FRMD4B: variants seen among roughly 807,000 people sequenced by gnomAD.
FRMD4B encodes FERM domain containing 4B.
FRMD4B carries 74 observed loss-of-function variants against 141.5 expected under a neutral mutation model. The ratio of observed to expected loss-of-function variants is 0.52; its 90% CI spans 0.43 to 0.63. FRMD4B has a LOEUF of 0.63. Among genes scored for constraint, FRMD4B ranks in the 30% least tolerant of loss-of-function variants. The probability of loss-of-function intolerance (pLI) is 0.00; values close to 1 mark genes in which losing one functional copy is unlikely to be tolerated. For synonymous variants in FRMD4B, 506 were observed against 467.9 expected (o/e 1.08, Z -1.05); for missense variants, 1,366 against 1,253.4 (o/e 1.09, Z -1.36).
At chr3:69,266,183 CAG>C (rs984268695) in intron 5 of FRMD4B, among the ~76,000 whole-genome samples, 2 of 150,976 alleles carry the variant, frequency 1.3e-5, no homozygotes, top group African/African-American at 4.9e-5. Context: ...GCCTGGGTGA[CAG>C]AGTGAGACCT....
chr3:69,369,836 T>C (rs957673743), intron 1 of FRMD4B, among the ~76,000 whole-genome samples: 7 of 151,950 alleles, frequency 4.6e-5, no homozygotes, highest in African/African-American at 1.7e-4. Flanking sequence ...AGCCTATTTA[T>C]TAAAAGAAAA....
intron 2 of FRMD4B, among the ~76,000 whole-genome samples, chr3:69,398,104 T>C (rs2106743157): frequency 6.6e-6 from 1 of 152,034 alleles, no homozygotes; most frequent in African/African-American, 2.4e-5. Context: ...TAAAACTGAG[T>C]GCATGCATGT....
intron 22 of FRMD4B, among the ~76,000 whole-genome samples, chr3:69,174,174 A>T (rs766022656): frequency 2.0e-5 from 3 of 152,010 alleles, no homozygotes; most frequent in East Asian, 1.9e-4. Flanking sequence ...GTACTTTTAT[A>T]AAAAAAAGAA....
At chr3:69,449,910 G>A (rs1705468707) in intron 1 of FRMD4B, among the ~76,000 whole-genome samples, 1 of 152,114 alleles carries the variant, frequency 6.6e-6, no homozygotes, top group Non-Finnish European at 1.5e-5. Context: ...GAAACTAAGA[G>A]GGCTGCTTCT....
At chr3:69,202,211 AG>A (rs1362723281) in intron 11 of FRMD4B, among the ~76,000 whole-genome samples, 1 of 152,198 alleles carries the variant, frequency 6.6e-6, no homozygotes, top group Non-Finnish European at 1.5e-5. Flanking sequence ...CTCAAAAAAA[AG>A]AAAAGTCATG....
At chr3:69,391,084 C>T (rs1356376315), upstream of FRMD4B, among the ~76,000 whole-genome samples, 2 of 151,912 alleles carry the variant, frequency 1.3e-5, no homozygotes, top group African/African-American at 2.4e-5. Flanking sequence ...ATATAATGAA[C>T]TCAAAGTCTT....
At chr3:69,414,897 G>A (rs1260261898) in intron 2 of FRMD4B, among the ~76,000 whole-genome samples, 1 of 124,022 alleles carries the variant, frequency 8.1e-6, no homozygotes, top group African/African-American at 3.2e-5. Flanking sequence ...ATGGAGTCTC[G>A]CTCTGTCACC....
intron 1 of FRMD4B, among the ~76,000 whole-genome samples, chr3:69,525,419 G>A (rs1485575485): frequency 6.6e-6 from 1 of 152,146 alleles, no homozygotes; most frequent in Admixed American, 6.5e-5. Context: ...GAGGGATGGA[G>A]TCACTGTTGA....
intron 1 of FRMD4B, among the ~76,000 whole-genome samples, chr3:69,471,284 A>G (rs1705886867): frequency 1.3e-5 from 2 of 152,238 alleles, no homozygotes; most frequent in African/African-American, 4.8e-5. Context: ...AACTTCTTCA[A>G]ATGCTAGTTT....
chr3:69,496,631 G>GAGAC, intron 1 of FRMD4B, among the ~76,000 whole-genome samples: 1 of 75,642 alleles, frequency 1.3e-5, no homozygotes, highest in East Asian at 3.7e-4. Context: ...GAGAGAGAGA[G>GAGAC]AGAGAAAGAG....
At chr3:69,512,093 C>T (rs1706698887) in intron 1 of FRMD4B, among the ~76,000 whole-genome samples, 1 of 152,062 alleles carries the variant, frequency 6.6e-6, no homozygotes, top group Non-Finnish European at 1.5e-5. Flanking sequence ...TGTTCTTTGC[C>T]TAGAATACAA....
intron 3 of FRMD4B, among the ~76,000 whole-genome samples, chr3:69,307,235 G>A (rs1296135454): frequency 6.6e-6 from 1 of 152,110 alleles, no homozygotes; most frequent in African/African-American, 2.4e-5. Flanking sequence ...GAGGTAACTG[G>A]GAAAAAGGCT....
At chr3:69,338,787 C>T (rs992713594) in intron 1 of FRMD4B, among the ~76,000 whole-genome samples, 4 of 152,106 alleles carry the variant, frequency 2.6e-5, no homozygotes, top group Non-Finnish European at 5.9e-5. Context: ...ACACCTATGA[C>T]ACCAAATTTA....
chr3:69,325,085 A>AGAAAG (rs1553724232), intron 1 of FRMD4B, among the ~76,000 whole-genome samples: 12 of 80,000 alleles, frequency 1.5e-4, no homozygotes, highest in African/African-American at 5.6e-4. Flanking sequence ...TAAAAAAAAA[A>AGAAAG]AAAGAAAGAA....
At chr3:69,289,896 A>G (rs920669652) in intron 4 of FRMD4B, among the ~76,000 whole-genome samples, 2 of 152,190 alleles carry the variant, frequency 1.3e-5, no homozygotes, top group African/African-American at 4.8e-5. Flanking sequence ...ATTCCTGACG[A>G]ACAACTTTTG....
At chr3:69,405,692 T>C (rs188209148) in intron 2 of FRMD4B, among the ~76,000 whole-genome samples, 1 of 152,328 alleles carries the variant, frequency 6.6e-6, no homozygotes, top group Non-Finnish European at 1.5e-5. Context: ...GACGTTCTAG[T>C]TCTGCGATAC....
chr3:69,444,084 C>G (rs1705376530), intron 1 of FRMD4B, among the ~76,000 whole-genome samples: 1 of 152,142 alleles, frequency 6.6e-6, no homozygotes, highest in Non-Finnish European at 1.5e-5. Flanking sequence ...GGACCATTTT[C>G]CACACCCCTC....
intron 11 of FRMD4B, among the ~76,000 whole-genome samples, chr3:69,212,043 A>C (rs1026880991): frequency 1.3e-5 from 2 of 151,410 alleles, no homozygotes; most frequent in African/African-American, 4.9e-5. Context: ...AAAAAAAAAA[A>C]CGGAGAAAGA....
intron 1 of FRMD4B, among the ~76,000 whole-genome samples, chr3:69,322,269 A>T (rs1045913637): frequency 6.6e-6 from 1 of 152,124 alleles, no homozygotes; most frequent in Non-Finnish European, 1.5e-5. Flanking sequence ...CCCTAGCTGA[A>T]CAGGGCCCCT....
Sources: gnomAD v4.1 joint callset for allele counts (sites outside exome capture counted in the v4.1 genomes callset) on GRCh38, gnomAD v4.1.1 for gene constraint, MANE v1.5 for transcripts, NCBI Gene and HGNC (gene_info 2026-07-23, HGNC 2026-07-21) for gene names.